Variants in NARS2 observed in about 807,000 individuals in gnomAD.
NARS2 encodes asparaginyl-tRNA synthetase.
In NARS2, 60 loss-of-function variants were observed where a neutral mutation model predicts 62.9. The ratio of observed to expected loss-of-function variants is 0.95; its 90% confidence interval spans 0.77 to 1.18. The LOEUF (loss-of-function observed/expected upper bound fraction) is 1.18, where lower values mean the gene tolerates loss of function less well. NARS2 is among the 50% of genes most tolerant of loss of function. NARS2 has a pLI of 0.00. For synonymous variants in NARS2, 196 were observed against 200.0 expected (o/e 0.98, Z 0.17); for missense variants, 619 against 576.4 (o/e 1.07, Z -0.76).
intron 5 of NARS2, among the ~76,000 whole-genome samples, chr11:78,537,090 G>C (rs1402044959): frequency 1.3e-5 from 2 of 152,012 alleles, no homozygotes; most frequent in Non-Finnish European, 2.9e-5. Context: ...ATACCATCTC[G>C]GTTTGCGTAA....
chr11:78,441,994 T>A (rs1565200667), intron 12 of NARS2, among the ~76,000 whole-genome samples: 1 of 152,128 alleles, frequency 6.6e-6, no homozygotes, highest in Non-Finnish European at 1.5e-5. Context: ...AAAATTCAAA[T>A]ATACAAAAAT....
At chr11:78,493,804 T>G (rs1859935704) in intron 6 of NARS2, among the ~76,000 whole-genome samples, 1 of 152,202 alleles carries the variant, frequency 6.6e-6, no homozygotes, top group Admixed American at 6.5e-5. Context: ...TGCACTCTAC[T>G]GCAGCTGCCT....
At chr11:78,535,763 A>G (rs1565265586) in intron 5 of NARS2, among the ~76,000 whole-genome samples, 1 of 152,010 alleles carries the variant, frequency 6.6e-6, no homozygotes, top group Non-Finnish European at 1.5e-5. Context: ...GATTACAGGC[A>G]TGCACCACCA....
intron 11 of NARS2, among the ~76,000 whole-genome samples, chr11:78,450,863 G>C (rs1857948188): frequency 6.6e-6 from 1 of 151,014 alleles, no homozygotes. Flanking sequence ...AATTTTTGTA[G>C]TAGAGATGGG....
chr11:78,557,065 A>G (rs1432416992), intron 5 of NARS2, among the ~76,000 whole-genome samples: 1 of 152,228 alleles, frequency 6.6e-6, no homozygotes. Flanking sequence ...TGTATTCAGT[A>G]GTCCCCAAAC....
At chr11:78,516,732 G>C (rs1001414885) in intron 6 of NARS2, among the ~76,000 whole-genome samples, 3 of 152,122 alleles carry the variant, frequency 2.0e-5, no homozygotes, top group African/African-American at 7.2e-5. Flanking sequence ...ATAGGCTAAT[G>C]GGAAGATAAG....
chr11:78,464,351 G>C (rs1241892961), intron 11 of NARS2, among the ~76,000 whole-genome samples: 1 of 152,152 alleles, frequency 6.6e-6, no homozygotes, highest in Non-Finnish European at 1.5e-5. Flanking sequence ...GTGTGGAAGG[G>C]GACCCGAGCG....
At chr11:78,452,261 C>A (rs1329982603) in intron 11 of NARS2, among the ~76,000 whole-genome samples, 2 of 151,970 alleles carry the variant, frequency 1.3e-5, no homozygotes, top group Non-Finnish European at 2.9e-5. Context: ...GAGCTCGCCA[C>A]CATGCTCAGC....
At chr11:78,554,145 T>TGTA (rs1382693016) in intron 5 of NARS2, among the ~76,000 whole-genome samples, 1 of 152,202 alleles carries the variant, frequency 6.6e-6, no homozygotes, top group Non-Finnish European at 1.5e-5. Flanking sequence ...AGTGGAGCCT[T>TGTA]GTAGTATAGT....
intron 6 of NARS2, among the ~76,000 whole-genome samples, chr11:78,503,998 G>C (rs942757695): frequency 1.3e-5 from 2 of 152,110 alleles, no homozygotes; most frequent in Admixed American, 6.5e-5. Context: ...TATTTGAACC[G>C]TTATCTCCAA....
chr11:78,440,062 A>T (rs551769353), intron 13 of NARS2, among the ~76,000 whole-genome samples: 3 of 152,284 alleles, frequency 2.0e-5, no homozygotes, highest in East Asian at 1.9e-4. Flanking sequence ...GGATTTTTTT[A>T]AATTAATTAA....
At chr11:78,495,939 A>G (rs567106707) in intron 6 of NARS2, among the ~76,000 whole-genome samples, 6 of 152,290 alleles carry the variant, frequency 3.9e-5, no homozygotes, top group African/African-American at 9.6e-5. Flanking sequence ...AGCAATAGGG[A>G]TTTTTAAATT....
At position 78,574,778 on chromosome 11, in the gene NARS2, T is replaced by C. The variant is rs1278628254; in HGVS notation, c.-290A>G. The C allele has an allele frequency of 3.2e-5, 13 of 405,760 alleles. No individual in the cohort carries two copies. Among genetic ancestry groups the C allele is most frequent in the African/African-American group, 6.2e-5 (3 of 48,354 alleles). 25.1% of individuals were successfully genotyped at this position (405,760 alleles called of 1,614,324 possible). A position where few individuals can be genotyped will look rare whatever the true frequency, so the allele number is the denominator to read the frequency against. On this transcript the variant is annotated 5_prime_UTR_variant, in exon 1 of 14. Coordinates refer to ENST00000281038, the MANE Select transcript of NARS2 (RefSeq NM_024678.6). ...TGGGGCGCCCCACTACCCGCGACAA[T>C]TGTAAACCTACGAACAGAACCCGGG... is the stretch of plus-strand genomic sequence containing the variant.
intron 4 of NARS2, among the ~76,000 whole-genome samples, chr11:78,564,893 A>G (rs1856691080): frequency 6.6e-6 from 1 of 152,236 alleles, no homozygotes; most frequent in South Asian, 2.1e-4. Flanking sequence ...GTGAATCTGA[A>G]GGAGCTTTTT....
At chr11:78,458,527 A>G (rs1402836188) in intron 11 of NARS2, among the ~76,000 whole-genome samples, 3 of 152,208 alleles carry the variant, frequency 2.0e-5, no homozygotes, top group Non-Finnish European at 4.4e-5. Flanking sequence ...GTCTAACTCT[A>G]TAGCCACTAG....
chr11:78,511,551 A>G (rs1860721345), intron 6 of NARS2, among the ~76,000 whole-genome samples: 1 of 152,092 alleles, frequency 6.6e-6, no homozygotes, highest in Non-Finnish European at 1.5e-5. Flanking sequence ...TCCCATCTCT[A>G]CTAAAAATAC....
chr11:78,571,620 T>C (rs1856926465), intron 1 of NARS2, 176 bp from the exon 2 acceptor site: 1 of 523,840 alleles, frequency 1.9e-6, no homozygotes, highest in East Asian at 2.9e-5. Context: ...CACAATAGGA[T>C]ACACACTTTG....
intron 11 of NARS2, among the ~76,000 whole-genome samples, chr11:78,449,631 C>T (rs892681739): frequency 6.6e-6 from 1 of 152,084 alleles, no homozygotes; most frequent in African/African-American, 2.4e-5. Flanking sequence ...TAGTCACAAA[C>T]AACCCCAGAA....
At chr11:78,504,011 T>C (rs1333652891) in intron 6 of NARS2, among the ~76,000 whole-genome samples, 2 of 152,174 alleles carry the variant, frequency 1.3e-5, no homozygotes, top group African/African-American at 2.4e-5. Flanking sequence ...ATCTCCAAAT[T>C]CCCAAGTTAC....
Sources: gnomAD v4.1 joint callset for allele counts (sites outside exome capture counted in the v4.1 genomes callset) on GRCh38, gnomAD v4.1.1 for gene constraint, MANE v1.5 for transcripts, NCBI Gene and HGNC (gene_info 2026-07-23, HGNC 2026-07-21) for gene names.